Variants in KEAP1 observed in about 807,000 individuals in gnomAD.
KEAP1 encodes the protein kelch-like ECH-associated protein 1.
A neutral mutation model predicts 59.7 loss-of-function variants in KEAP1; 26 were observed. The observed-to-expected ratio is 0.44, with a 90% CI of 0.32 to 0.60. The LOEUF (loss-of-function observed/expected upper bound fraction) is 0.60, where lower values mean the gene tolerates loss of function less well. Among genes scored for constraint, KEAP1 ranks in the 20% least tolerant of loss-of-function variants. The pLI, the probability that KEAP1 is intolerant of heterozygous loss-of-function variation, is 0.06. For missense variants in KEAP1, 539 were observed against 871.4 expected (o/e 0.62, Z 4.80); for synonymous variants, 350 against 358.3 (o/e 0.98, Z 0.26).
At chr19:10,498,475 G>A (rs1234355733) in intron 2 of KEAP1, among the ~76,000 whole-genome samples, 1 of 152,188 alleles carries the variant, frequency 6.6e-6, no homozygotes, top group Non-Finnish European at 1.5e-5. Flanking sequence ...CCAAAGTGCT[G>A]GGATTACAGG....
chr19:10,487,423 G>A (rs1482095106), intron 5 of KEAP1, among the ~76,000 whole-genome samples: 4 of 152,172 alleles, frequency 2.6e-5, no homozygotes, highest in Non-Finnish European at 5.9e-5. Flanking sequence ...TTGGGAGGCC[G>A]AGGCGGGCAG....
At chr19:10,497,799 T>C (rs991573049) in intron 2 of KEAP1, among the ~76,000 whole-genome samples, 1 of 152,138 alleles carries the variant, frequency 6.6e-6, no homozygotes, top group Non-Finnish European at 1.5e-5. Context: ...GAGGCTGAGA[T>C]AGGAGGCCTC....
chr19:10,492,979 GC>G (rs374282587), intron 2 of KEAP1, among the ~76,000 whole-genome samples: 58 of 150,074 alleles, frequency 3.9e-4, no homozygotes, highest in African/African-American at 1.4e-3. Flanking sequence ...CTACCACCAT[GC>G]CCCGTTAATT....
At chr19:10,497,399 G>C (rs1175089386) in intron 2 of KEAP1, among the ~76,000 whole-genome samples, 1 of 152,154 alleles carries the variant, frequency 6.6e-6, no homozygotes, top group African/African-American at 2.4e-5. Flanking sequence ...CAGCCAGTGG[G>C]GGACTTAGAA....
chr19:10,491,644 C>A lies in KEAP1; in HGVS notation c.1258G>T (p.Val420Phe). 1 of 1,594,156 alleles carries A rather than the reference C, an allele frequency of 6.3e-7. No individual in the cohort carries two copies. The highest frequency in any genetic ancestry group is 8.5e-7 in the Non-Finnish European group (1 of 1,170,758). The change falls in exon 3 of 6, where the codon GTC (valine) becomes TTC (phenylalanine). Residue 420 changes from valine to phenylalanine, a missense_variant. Val to Phe is a conservative substitution (Grantham distance 50). This residue lies in a region of KEAP1 where 311 missense variants were observed against 425.2 expected (regional missense o/e 0.73). Transcript: ENST00000171111. The surrounding 1 kb of genome is among the most constrained non-coding windows in gnomAD (Gnocchi z 5.2). ...SVPRNRIGVG[V>F]IDGHIYAVGG... ...ACGGCATAGATGTGGCCATCGATGA[C>A]CCCCACCCCGATGCGGTTACGGGGC...
chr19:10,489,133 C>G, intron 5 of KEAP1, 59 bp downstream of exon 5: 1 of 820,122 alleles, frequency 1.2e-6, no homozygotes, highest in Non-Finnish European at 1.7e-6. Flanking sequence ...AAAGCAAAAG[C>G]AAAAGCAGTC....
chr19:10,486,696 C>T lies in KEAP1; in HGVS notation c.1831G>A (p.Glu611Lys), dbSNP rs1487916634. Residue 611 changes from glutamate (E) to lysine (K), a missense_variant, in exon 6 of 6, where the codon GAG (glutamate) becomes AAG (lysine). By Grantham distance (56) the Glu-to-Lys change is moderately conservative. Around this residue, in one of 4 missense-constraint regions of KEAP1, gnomAD observed 311 missense variants for 425.2 expected, o/e 0.73. Transcript: ENST00000171111. ...RSGVGVAVTM[E>K]PCRKQIDQQN... ...TGGTCAATCTGCTTCCGGCAGGGCT[C>T]CATGGTGACAGCCACGCCCACCCCA... The T allele has an allele frequency of 6.2e-7, 1 of 1,614,072 alleles. No homozygotes were observed. The highest frequency in any genetic ancestry group is 1.7e-5 in the Admixed American group (1 of 59,964).
intron 1 of KEAP1, among the ~76,000 whole-genome samples, chr19:10,500,810 G>A (rs573086010): frequency 1.3e-5 from 2 of 151,772 alleles, no homozygotes; most frequent in African/African-American, 2.4e-5. Flanking sequence ...CTCCCGAGTA[G>A]CTGGGACTAC....
chr19:10,493,198 G>C (rs34983936), intron 2 of KEAP1, among the ~76,000 whole-genome samples: 58 of 145,286 alleles, frequency 4.0e-4, no homozygotes, highest in African/African-American at 1.4e-3. Context: ...TTGCTCTGTC[G>C]CCCAGGCTGG....
Position 10,499,512 on chromosome 19 carries a change from G to A in KEAP1, c.522C>T (p.Phe174=), listed in dbSNP as rs1171668588. The change falls in exon 2 of 6, where the codon TTC becomes TTT. Residue 174 remains phenylalanine (F), a synonymous_variant. Coordinates refer to ENST00000171111, the MANE Select transcript of KEAP1 (RefSeq NM_203500.2). This position sits in a 1 kb window ranked among gnomAD's most constrained non-coding sequence, Gnocchi z 6.7. ...TGCTGGGGTCCAGCTGCTGCACCAGGAAGTCACTGCAGGCACGGACAACGC... is the reference window on the plus strand; with the variant it reads ...TGCTGGGGTCCAGCTGCTGCACCAGAAAGTCACTGCAGGCACGGACAACGC... ...IDSVVRACSD[F]LVQQLDPSNA... The A allele has an allele frequency of 6.2e-7, 1 of 1,614,186 alleles. No homozygotes were observed. The highest frequency in any genetic ancestry group is 2.2e-5 in the East Asian group (1 of 44,888).
At chr19:10,489,471 A>C (rs1914594241) in intron 4 of KEAP1, 103 bp from the exon 5 acceptor site, 2 of 1,312,162 alleles carry the variant, frequency 1.5e-6, no homozygotes, top group Admixed American at 2.2e-5. Flanking sequence ...CTCCCTTCTC[A>C]CCCTCAGAAA....
chr19:10,487,549 G>C (rs1247015785), intron 5 of KEAP1, among the ~76,000 whole-genome samples: 1 of 152,094 alleles, frequency 6.6e-6, no homozygotes, highest in Non-Finnish European at 1.5e-5. Flanking sequence ...TCAGCTACCT[G>C]GGAGACTGAG....
intron 5 of KEAP1, among the ~76,000 whole-genome samples, chr19:10,487,956 C>G (rs901043804): frequency 3.9e-5 from 6 of 151,940 alleles, no homozygotes; most frequent in African/African-American, 1.5e-4. Flanking sequence ...TGGAGAAAAC[C>G]CTTCTCTACT....
intron 2 of KEAP1, among the ~76,000 whole-genome samples, chr19:10,494,276 C>T (rs1339545328): frequency 6.7e-6 from 1 of 150,008 alleles, no homozygotes; most frequent in Non-Finnish European, 1.5e-5. Flanking sequence ...AATGATTCTC[C>T]TACTTCAGCC....
At position 10,499,084 on chromosome 19, in the gene KEAP1, C is replaced by T. The variant is rs1914949706; in HGVS notation, c.639+311G>A. 2.0e-5 allele frequency among the ~76,000 whole-genome samples: 3 copies of T among 152,206 alleles called. No individual in the cohort carries two copies. Among genetic ancestry groups the T allele is most frequent in the Admixed American group, 2.0e-4 (3 of 15,278 alleles). ...TCCTTACCTCAGGTGATCCACCTGC[C>T]TCGGCCTCCCAAAGTGTTGGGATTA... On this transcript the variant is annotated intron_variant, in intron 2 of 5. Coordinates refer to ENST00000171111, the MANE Select transcript of KEAP1 (RefSeq NM_203500.2). This position sits in a 1 kb window ranked among gnomAD's most constrained non-coding sequence, Gnocchi z 6.7.
At chr19:10,492,539 GA>G in intron 2 of KEAP1, 1 of 407,578 alleles carries the variant, frequency 2.5e-6, no homozygotes, top group Non-Finnish European at 4.5e-6. Context: ...CCAATATGGT[GA>G]AACCCCATCT....
At chr19:10,493,095 A>T (rs1414957839) in intron 2 of KEAP1, among the ~76,000 whole-genome samples, 1 of 151,804 alleles carries the variant, frequency 6.6e-6, no homozygotes, top group Admixed American at 6.6e-5. Flanking sequence ...ACCCAGGTTC[A>T]AGTGATTCTC....
In KEAP1 at chr19:10,492,091, C is replaced by A; in HGVS notation, c.811G>T (p.Val271Leu). ...RFYVQALLRA[V>L]RCHSLTPNFL... ...TTCGGCGTCAACGAGTGGCAGCGCA[C>A]GGCCCGCAGCAGCGCCTGGACGTAG... Residue 271 changes from valine (V) to leucine (L), a missense_variant, in exon 3 of 6, where the codon GTG (valine) becomes TTG (leucine). Transcript: ENST00000171111. The A allele has an allele frequency of 6.2e-7, 1 of 1,613,886 alleles. No individual in the cohort carries two copies. Among genetic ancestry groups the A allele is most frequent in the Non-Finnish European group, 8.5e-7 (1 of 1,180,050 alleles).
rs1349834628 is a variant in KEAP1, at chr19:10,491,261, C to T, written c.1325+316G>A. 6.6e-6 allele frequency among the ~76,000 whole-genome samples: 1 copy of T among 152,116 alleles called. No homozygotes were observed. The highest frequency in any genetic ancestry group is 2.4e-5 in the African/African-American group (1 of 41,426). The stretch of plus-strand genomic sequence containing the variant: ...CTGGACTCAAGCAATCCTCCCACCT[C>T]AGCCTCCCAAAGTCCCTGATTATAG... On this transcript the variant is annotated intron_variant, in intron 3 of 5. Coordinates refer to ENST00000171111, the MANE Select transcript of KEAP1 (RefSeq NM_203500.2). This position sits in a 1 kb window ranked among gnomAD's most constrained non-coding sequence, Gnocchi z 5.2.
Sources: allele counts gnomAD v4.1 joint callset (sites outside exome capture counted in the v4.1 genomes callset), GRCh38; gene constraint gnomAD v4.1.1; regional missense constraint gnomAD v4.1.1; non-coding constraint Gnocchi (gnomAD v3.1); transcripts MANE v1.5; gene names NCBI Gene and HGNC (gene_info 2026-07-23, HGNC 2026-07-21).